RASGRP1: variants seen among roughly 807,000 people sequenced by gnomAD.
RASGRP1 encodes RAS guanyl-releasing protein 1.
A neutral mutation model predicts 95.1 loss-of-function variants in RASGRP1; 37 were observed. The observed-to-expected ratio is 0.39, with a 90% CI of 0.30 to 0.51. RASGRP1 has a LOEUF of 0.51. Ranked by LOEUF, RASGRP1 falls within the 20% of genes least tolerant of loss-of-function variation. The pLI, the probability that RASGRP1 is intolerant of heterozygous loss-of-function variation, is 0.80. For synonymous variants in RASGRP1, 325 were observed against 353.4 expected, an observed-to-expected ratio of 0.92 and a Z score of 0.90; for missense variants, 711 against 965.4, an observed-to-expected ratio of 0.74 and a Z score of 3.49.
intron 15 of RASGRP1, among the ~76,000 whole-genome samples, chr15:38,495,722 A>G (rs941781302): frequency 4.6e-5 from 7 of 152,230 alleles, no homozygotes; most frequent in African/African-American, 1.7e-4. Flanking sequence ...TTGTAATTAC[A>G]TAGTTATTTA....
intron 2 of RASGRP1, among the ~76,000 whole-genome samples, chr15:38,532,987 GA>G (rs1374136646): frequency 6.6e-6 from 1 of 152,054 alleles, no homozygotes; most frequent in Non-Finnish European, 1.5e-5. Context: ...TTGTCTGGGG[GA>G]TGAGATGGAA....
chr15:38,526,139 C>T (rs187323024), intron 3 of RASGRP1, among the ~76,000 whole-genome samples, 160 bp downstream of exon 3: 41 of 152,272 alleles, frequency 2.7e-4, no homozygotes, highest in African/African-American at 8.9e-4. Flanking sequence ...TACATGAACA[C>T]ACCCCCAACA....
chr15:38,542,851 G>GTATA (rs1301871060), intron 2 of RASGRP1, among the ~76,000 whole-genome samples: 1 of 115,628 alleles, frequency 8.6e-6, no homozygotes, highest in Non-Finnish European at 1.6e-5. Context: ...ATATATATGT[G>GTATA]TATATATATA....
At chr15:38,558,150 T>C (rs1893646457) in intron 2 of RASGRP1, among the ~76,000 whole-genome samples, 1 of 152,084 alleles carries the variant, frequency 6.6e-6, no homozygotes, top group South Asian at 2.1e-4. Context: ...TAAAGCCGAG[T>C]AAATCTGACT....
intron 2 of RASGRP1, among the ~76,000 whole-genome samples, chr15:38,557,686 T>C (rs775702823): frequency 7.9e-5 from 12 of 151,894 alleles, no homozygotes; most frequent in Non-Finnish European, 1.6e-4. Context: ...TAAGCTCTAA[T>C]GGAAGGGAGA....
chr15:38,557,629 G>GTGTGTT lies in RASGRP1; in HGVS notation c.220+2191_220+2192insAACACA, dbSNP rs745934661. Reference sequence around the variant, plus strand: ...TGTGTGTGTGTGTGTGTGTGTGTGTGTATATATATATATATATTTCCTGAA... The same window carrying GTGTGTT: ...TGTGTGTGTGTGTGTGTGTGTGTGTGTGTGTTTATATATATATATATATTTCCTGAA... On this transcript the variant is annotated intron_variant, in intron 2 of 16. Transcript: ENST00000310803. Among the ~76,000 whole-genome samples, 19 of 147,462 alleles carry GTGTGTT rather than the reference G, an allele frequency of 1.3e-4. 1 individual carries two copies. The South Asian group carries it at 4.1e-3, about 32-fold the overall frequency.
In RASGRP1 at chr15:38,490,583, C is replaced by G. The variant is rs1595811410; in HGVS notation, c.2365G>C (p.Ala789Pro). ...LQLEKSNHVL[A>P]QMEQGDCS is the part of the protein sequence containing the mutation. Reference sequence around the variant, plus strand: ...GAACAGTCACCCTGCTCCATTTGAGCTAAGACATGATTGCTTTTTTCAAGC... The same window carrying G: ...GAACAGTCACCCTGCTCCATTTGAGGTAAGACATGATTGCTTTTTTCAAGC... The change falls in exon 17 of 17, where the codon GCT (alanine) becomes CCT (proline). Residue 789 changes from alanine (A) to proline (P), a missense_variant. Coordinates refer to ENST00000310803, the MANE Select transcript of RASGRP1 (RefSeq NM_005739.4). 1 of 1,611,744 alleles carries G rather than the reference C, an allele frequency of 6.2e-7. No individual in the cohort carries two copies.
rs1892217706 is a variant in RASGRP1 at position 38,526,312 on chromosome 15, T to C, written c.313A>G (p.Lys105Glu). 1 of 1,612,952 alleles carries C rather than the reference T, an allele frequency of 6.2e-7. No individual in the cohort carries two copies. The highest frequency in any genetic ancestry group is 1.3e-5 in the African/African-American group (1 of 75,002). The change falls in exon 3 of 17, where the codon AAA becomes GAA. Residue 105 changes from lysine (K) to glutamate (E), a missense_variant. Lys to Glu is a moderately conservative substitution (Grantham distance 56). This residue lies in a region of RASGRP1 where 491 missense variants were observed against 676.6 expected (regional missense o/e 0.73). Transcript: ENST00000310803. ...GTTAAAGGATATAGGGTGATAACTT[T>C]TTGGAGCAGTTCTGCAGAGGAGATG... ...IVISSAELLQ[K>E]VITLYKDALA...
chr15:38,531,777 C>A (rs1324017178), intron 2 of RASGRP1, among the ~76,000 whole-genome samples: 1 of 151,862 alleles, frequency 6.6e-6, no homozygotes, highest in African/African-American at 2.4e-5. Context: ...GTCCAGAACT[C>A]CGAGGTAACT....
At chr15:38,508,212 G>A (rs1218418187) in intron 8 of RASGRP1, among the ~76,000 whole-genome samples, 2 of 152,158 alleles carry the variant, frequency 1.3e-5, no homozygotes, top group Non-Finnish European at 2.9e-5. Flanking sequence ...ATAAACACAA[G>A]ATATGCTTGA....
intron 6 of RASGRP1, among the ~76,000 whole-genome samples, chr15:38,513,701 T>G (rs1478708194): frequency 6.6e-6 from 1 of 152,230 alleles, no homozygotes; most frequent in Non-Finnish European, 1.5e-5. Context: ...AGATCTAGTC[T>G]AAGTGATGTT....
intron 2 of RASGRP1, among the ~76,000 whole-genome samples, chr15:38,542,429 G>A (rs1892904943): frequency 6.6e-6 from 1 of 151,878 alleles, no homozygotes; most frequent in Non-Finnish European, 1.5e-5. Context: ...GAGATCCAGG[G>A]ATGGAGCAGA....
Position 38,511,784 on chromosome 15 carries a change from A to C in RASGRP1, c.850-64T>G, listed in dbSNP as rs1595841403. 8.7e-6 allele frequency: 11 copies of C among 1,271,400 alleles called. No homozygotes were observed. In the East Asian group the frequency reaches 2.6e-4, roughly 30 times the overall value. The allele number at this position is 1,271,400 out of a possible 1,614,324, so 78.8% of individuals were successfully genotyped here. On this transcript the variant is annotated intron_variant, in intron 7 of 16. Transcript: ENST00000310803. ...CATGTCAGTTATATGGGGAGCTTAG[A>C]GGCTGCCTCTTGTCTCTGTGCCGTG...
intron 2 of RASGRP1, among the ~76,000 whole-genome samples, chr15:38,553,144 C>T (rs1039202752): frequency 6.6e-6 from 1 of 152,234 alleles, no homozygotes; most frequent in Non-Finnish European, 1.5e-5. Context: ...ACTCTTTCCC[C>T]GTTCTTTTCC....
chr15:38,509,727 C>A (rs138420379), intron 8 of RASGRP1, among the ~76,000 whole-genome samples: 15 of 152,016 alleles, frequency 9.9e-5, no homozygotes, highest in African/African-American at 2.2e-4. Context: ...CTGTCTCAAT[C>A]AATAAATAAA....
At chr15:38,546,213 T>C (rs1377425525) in intron 2 of RASGRP1, among the ~76,000 whole-genome samples, 1 of 139,310 alleles carries the variant, frequency 7.2e-6, no homozygotes, top group African/African-American at 3.4e-5. Context: ...AATTATAACT[T>C]TATTTATTTA....
chr15:38,536,194 T>C lies in RASGRP1; in HGVS notation c.221-9790A>G, dbSNP rs146545227. ...AGTTTGATTCTTTGATGAGCTGCCA[T>C]GCACGCAACCCCATGGCTCATAGAC... On this transcript the variant is annotated intron_variant, in intron 2 of 16. Coordinates refer to ENST00000310803, the MANE Select transcript of RASGRP1 (RefSeq NM_005739.4). 7.0e-3 allele frequency among the ~76,000 whole-genome samples: 1,073 copies of C among 152,330 alleles called. 7 individuals are homozygous for C. Among genetic ancestry groups the C allele is most frequent in the Non-Finnish European group, 9.6e-3 (656 of 68,020 alleles).
At chr15:38,506,447 C>A (rs570758817) in intron 9 of RASGRP1, among the ~76,000 whole-genome samples, 1 of 152,092 alleles carries the variant, frequency 6.6e-6, no homozygotes, top group East Asian at 1.9e-4. Context: ...CCAGCCTGGG[C>A]AACATAGCAA....
chr15:38,494,141 A>T (rs1325452340), intron 16 of RASGRP1, among the ~76,000 whole-genome samples: 1 of 152,208 alleles, frequency 6.6e-6, no homozygotes, highest in Non-Finnish European at 1.5e-5. Flanking sequence ...AGCCTGTGCT[A>T]CTTGTGTAAT....
Sources: allele counts gnomAD v4.1 joint callset (sites outside exome capture counted in the v4.1 genomes callset), GRCh38; gene constraint gnomAD v4.1.1; regional missense constraint gnomAD v4.1.1; transcripts MANE v1.5; gene names NCBI Gene and HGNC (gene_info 2026-07-23, HGNC 2026-07-21).